The following MDH1B variants were observed in gnomAD, a reference collection of about 807,000 sequenced individuals.
MDH1B encodes the protein malate dehydrogenase 1B, also known as putative malate dehydrogenase 1B.
In MDH1B, 60 loss-of-function variants were observed where a neutral mutation model predicts 61.4. The ratio of observed to expected loss-of-function variants is 0.98; its 90% CI spans 0.79 to 1.21. MDH1B has a LOEUF of 1.21. Ranked by LOEUF, MDH1B falls within the 50% of genes most tolerant of loss-of-function variation. The probability of loss-of-function intolerance (pLI) is 0.00; values close to 1 mark genes in which losing one functional copy is unlikely to be tolerated. For missense variants in MDH1B, 587 were observed against 632.1 expected (o/e 0.93, Z 0.76); for synonymous variants, 236 against 218.7 (o/e 1.08, Z -0.70).
chr2:206,746,220 T>G (rs1688101646), intron 8 of MDH1B, 67 bp downstream of exon 8: 1 of 1,372,438 alleles, frequency 7.3e-7, no homozygotes, highest in East Asian at 2.6e-5. Context: ...AATGTATGCC[T>G]TGGCCTAGGA....
chr2:206,751,987 T>G (rs868628880), intron 5 of MDH1B, among the ~76,000 whole-genome samples: 1 of 152,206 alleles, frequency 6.6e-6, no homozygotes, highest in African/African-American at 2.4e-5. Flanking sequence ...TAACAGAATA[T>G]CCTACTGACT....
intron 10 of MDH1B, among the ~76,000 whole-genome samples, chr2:206,740,253 A>G (rs931240458): frequency 6.6e-6 from 1 of 152,244 alleles, no homozygotes; most frequent in Non-Finnish European, 1.5e-5. Context: ...AAGTCTTGCC[A>G]ATAACAGTTG....
chr2:206,758,343 G>A (rs1688879371), intron 2 of MDH1B, among the ~76,000 whole-genome samples: 1 of 152,210 alleles, frequency 6.6e-6, no homozygotes, highest in Non-Finnish European at 1.5e-5. Context: ...ATTCAAGAGT[G>A]TATACCCTGG....
chr2:206,749,208 T>C, intron 6 of MDH1B, 25 bp from the exon 7 acceptor site: 8 of 1,608,580 alleles, frequency 5.0e-6, no homozygotes, highest in Non-Finnish European at 6.8e-6. Flanking sequence ...AGAAACAATT[T>C]TACAATGGAG....
At chr2:206,763,388 T>C (rs539076780) in intron 1 of MDH1B, among the ~76,000 whole-genome samples, 8 of 152,096 alleles carry the variant, frequency 5.3e-5, no homozygotes, top group African/African-American at 1.7e-4. Context: ...CTAATATCTC[T>C]CCAATCCATT....
chr2:206,750,624 G>A (rs947113158), intron 6 of MDH1B, among the ~76,000 whole-genome samples: 7 of 151,844 alleles, frequency 4.6e-5, no homozygotes, highest in African/African-American at 1.7e-4. Context: ...ATTTCAACCT[G>A]GATAGATAGC....
intron 9 of MDH1B, among the ~76,000 whole-genome samples, chr2:206,744,875 A>C (rs1649622866): frequency 1.3e-5 from 2 of 152,070 alleles, no homozygotes; most frequent in Non-Finnish European, 2.9e-5. Context: ...TGGTGAGCCG[A>C]GATGGCACCA....
chr2:206,755,242 T>C lies in MDH1B; in HGVS notation c.677A>G (p.Glu226Gly). Residue 226 changes from glutamate to glycine, a missense_variant, in exon 5 of 12, where the codon GAG (glutamate) becomes GGG (glycine). Physicochemically the swap from Glu to Gly is moderately conservative, Grantham distance 98. Coordinates refer to ENST00000374412, the MANE Select transcript of MDH1B (RefSeq NM_001039845.3). ...DSTNKEVFTL[E>G]DCLRSRVPLC... ...AGGCACCCTGCTTCGGAGGCAGTCC[T>C]CCAGAGTGAACACCTCCTTGTTGGT... is the stretch of plus-strand genomic sequence containing the variant. 6.2e-7 allele frequency: 1 copy of C among 1,614,188 alleles called. No homozygotes were observed. The highest frequency in any genetic ancestry group is 1.1e-5 in the South Asian group (1 of 91,072).
chr2:206,747,053 TACTA>T (rs1202907127), intron 7 of MDH1B, among the ~76,000 whole-genome samples: 2 of 152,166 alleles, frequency 1.3e-5, no homozygotes, highest in Non-Finnish European at 2.9e-5. Context: ...CCATATTTAT[TACTA>T]ACTGAGCACC....
chr2:206,741,992 G>C (rs1423967574), intron 9 of MDH1B, among the ~76,000 whole-genome samples: 1 of 152,094 alleles, frequency 6.6e-6, no homozygotes, highest in African/African-American at 2.4e-5. Flanking sequence ...TGAGAGGCAG[G>C]GAGTTTAGTG....
chr2:206,741,955 A>C (rs10932163), intron 9 of MDH1B, among the ~76,000 whole-genome samples: 43,559 of 152,002 alleles, frequency 0.29, 8,468 homozygotes, highest in East Asian at 0.56. Context: ...AAAATAAATG[A>C]ATTTGACACT....
At position 206,764,971 on chromosome 2, in the gene MDH1B, C is replaced by T. The variant is rs554522669; in HGVS notation, c.22+279G>A. 1.1e-4 allele frequency among the ~76,000 whole-genome samples: 16 copies of T among 152,320 alleles called. No individual in the cohort carries two copies. In the South Asian group the frequency reaches 3.1e-3, roughly 30 times the overall value. On this transcript the variant is annotated intron_variant, in intron 1 of 11. Coordinates refer to ENST00000374412, the MANE Select transcript of MDH1B (RefSeq NM_001039845.3). Reference sequence around the variant, plus strand: ...GAGTCTACGCTCCCAGAGGCCTGTGCAGGTCTCCTTCATCGCGTTAATCAC... The same window carrying T: ...GAGTCTACGCTCCCAGAGGCCTGTGTAGGTCTCCTTCATCGCGTTAATCAC...
chr2:206,738,497 T>C lies in MDH1B; in HGVS notation c.1543A>G (p.Thr515Ala), dbSNP rs2287632. Residue 515 changes from threonine (T) to alanine (A), a missense_variant, in exon 12 of 12, where the codon ACC becomes GCC. Thr to Ala is a moderately conservative substitution (Grantham distance 58). Coordinates refer to ENST00000374412, the MANE Select transcript of MDH1B (RefSeq NM_001039845.3). ...LEFLNEFEGK[T>A]VES ...AATTTGATCTGTTAGGATTCCACGG[T>C]TTTGCCTTCAAATTCTGTAAAAGGA... 117,147 of 1,539,158 alleles carry C rather than the reference T, an allele frequency of 0.076. 5,662 individuals are homozygous for C. The highest frequency in any genetic ancestry group is 0.15 in the African/African-American group (11,039 of 72,204).
At chr2:206,760,323 G>A (rs1689015445) in intron 2 of MDH1B, among the ~76,000 whole-genome samples, 1 of 152,208 alleles carries the variant, frequency 6.6e-6, no homozygotes, top group Non-Finnish European at 1.5e-5. Flanking sequence ...ATGGCTGGTT[G>A]AGGAGGGAGC....
Position 206,765,266 on chromosome 2 carries a change from G to C in MDH1B, c.6C>G (p.Ala2=). The part of the protein sequence containing the change: M[A]KFVIAGRADC... Reference sequence around the variant, plus strand: ...ATCACTCACCCGCGATGACGAATTTGGCCATGGTCGAGAGAGACTCAGAGG... The same window carrying C: ...ATCACTCACCCGCGATGACGAATTTCGCCATGGTCGAGAGAGACTCAGAGG... The change falls in exon 1 of 12, where the codon GCC becomes GCG. Residue 2 remains alanine, a synonymous_variant. Coordinates refer to ENST00000374412, the MANE Select transcript of MDH1B (RefSeq NM_001039845.3). 1 of 1,602,502 alleles carries C rather than the reference G, an allele frequency of 6.2e-7. No individual in the cohort carries two copies. The highest frequency in any genetic ancestry group is 8.5e-7 in the Non-Finnish European group (1 of 1,176,466).
intron 10 of MDH1B, among the ~76,000 whole-genome samples, chr2:206,740,096 T>C (rs1373913975): frequency 1.3e-5 from 2 of 152,188 alleles, no homozygotes; most frequent in African/African-American, 4.8e-5. Flanking sequence ...ATTCTCTACA[T>C]AAATATTTGC....
chr2:206,759,894 G>T (rs886312151), intron 2 of MDH1B, among the ~76,000 whole-genome samples: 1 of 152,220 alleles, frequency 6.6e-6, no homozygotes, highest in Non-Finnish European at 1.5e-5. Flanking sequence ...CCAGCAGAGA[G>T]TGAGGGAAAT....
At chr2:206,746,029 C>A (rs1225547940) in intron 8 of MDH1B, among the ~76,000 whole-genome samples, 3 of 152,116 alleles carry the variant, frequency 2.0e-5, no homozygotes, top group Non-Finnish European at 4.4e-5. Flanking sequence ...CACCCGGCAA[C>A]TTAACTATTC....
intron 7 of MDH1B, among the ~76,000 whole-genome samples, chr2:206,748,634 C>T (rs1056558554): frequency 6.6e-6 from 1 of 152,186 alleles, no homozygotes; most frequent in Non-Finnish European, 1.5e-5. Flanking sequence ...ATACTTTAGG[C>T]TTACTGTAGT....
Sources: allele counts gnomAD v4.1 joint callset (sites outside exome capture counted in the v4.1 genomes callset), GRCh38; gene constraint gnomAD v4.1.1; transcripts MANE v1.5; gene names NCBI Gene and HGNC (gene_info 2026-07-23, HGNC 2026-07-21).